Variants in KCNC2 observed in about 807,000 individuals in gnomAD.
KCNC2 encodes the protein potassium voltage-gated channel subfamily C member 2, also known as voltage-gated potassium channel KCNC2.
In KCNC2, 21 loss-of-function variants were observed where a neutral mutation model predicts 44.5. The ratio of observed to expected loss-of-function variants is 0.47; its 90% CI spans 0.33 to 0.68. KCNC2 has a LOEUF of 0.68. KCNC2 is among the 30% of genes least tolerant of loss of function. The pLI is 0.01. For synonymous variants in KCNC2, 391 were observed against 339.1 expected, an observed-to-expected ratio of 1.15 and a Z score of -1.68; for missense variants, 589 against 826.2, an observed-to-expected ratio of 0.71 and a Z score of 3.52.
intron 2 of KCNC2, among the ~76,000 whole-genome samples, chr12:75,060,158 G>A (rs1018131381): frequency 3.3e-5 from 5 of 151,912 alleles, no homozygotes; most frequent in Non-Finnish European, 1.5e-5. Flanking sequence ...ATATATTTCT[G>A]TTATTTTGGA....
At chr12:75,154,002 G>A (rs1233563799) in intron 2 of KCNC2, among the ~76,000 whole-genome samples, 3 of 151,846 alleles carry the variant, frequency 2.0e-5, no homozygotes, top group Non-Finnish European at 2.9e-5. Flanking sequence ...AAAAAACTAT[G>A]TATAAATGGA....
rs1054016161 is a variant in KCNC2 at position 75,094,665 on chromosome 12, T to C, written c.688-43348A>G. On this transcript the variant is annotated intron_variant, in intron 2 of 4. Coordinates refer to ENST00000549446, the MANE Select transcript of KCNC2 (RefSeq NM_139137.4). ...ATTTTGACCTTTCTAACAGCAACTT[T>C]CCATAAGAAGAATTCAGCAGACACT... Among the ~76,000 whole-genome samples the C allele has an allele frequency of 4.0e-5, 6 of 151,766 alleles. No homozygotes were observed. The South Asian group carries it at 1.0e-3, about 26-fold the overall frequency.
Position 75,042,462 on chromosome 12 carries a change from AC to A in KCNC2, c.*642del. On this transcript the variant is annotated 3_prime_UTR_variant, in exon 5 of 5. Transcript: ENST00000549446. ...CAATCAAGAAATTAAACTATTTAAAACATATATTTCTTTCAAATAATAAGAA... is the reference window on the plus strand; with the variant it reads ...CAATCAAGAAATTAAACTATTTAAAAATATATTTCTTTCAAATAATAAGAA... 1 of 1,516,246 alleles carries A rather than the reference AC, an allele frequency of 6.6e-7. No individual in the cohort carries two copies. Among genetic ancestry groups the A allele is most frequent in the Non-Finnish European group, 8.8e-7 (1 of 1,130,754 alleles). The allele number at this position is 1,516,246 out of a possible 1,614,324, so 93.9% of individuals were successfully genotyped here. A position where few individuals can be genotyped will look rare whatever the true frequency, so the allele number is the denominator to read the frequency against.
At chr12:75,171,367 G>A (rs1891807379) in intron 2 of KCNC2, among the ~76,000 whole-genome samples, 1 of 151,820 alleles carries the variant, frequency 6.6e-6, no homozygotes, top group African/African-American at 2.4e-5. Context: ...TATATAGCCT[G>A]TGTACACTAG....
At chr12:75,096,447 C>A (rs1413011136) in intron 2 of KCNC2, among the ~76,000 whole-genome samples, 1 of 151,968 alleles carries the variant, frequency 6.6e-6, no homozygotes, top group Non-Finnish European at 1.5e-5. Flanking sequence ...TTAAAAAATA[C>A]TCTTCTGCTA....
chr12:75,186,140 C>T (rs762445803), intron 2 of KCNC2, among the ~76,000 whole-genome samples: 16 of 151,376 alleles, frequency 1.1e-4, no homozygotes, highest in Middle Eastern at 3.4e-3. Context: ...ATAATTCTAG[C>T]GCAGTTACAT....
intron 2 of KCNC2, among the ~76,000 whole-genome samples, chr12:75,073,912 C>A (rs1270591837): frequency 6.6e-6 from 1 of 152,058 alleles, no homozygotes; most frequent in African/African-American, 2.4e-5. Context: ...TGAAGTTCTC[C>A]CTAAATATGC....
intron 2 of KCNC2, among the ~76,000 whole-genome samples, chr12:75,125,805 T>A (rs2137310706): frequency 6.6e-6 from 1 of 152,272 alleles, no homozygotes; most frequent in East Asian, 1.9e-4. Flanking sequence ...CTATATACAC[T>A]CAGATTACTG....
rs1031184645 is a variant in KCNC2 at position 75,050,939 on chromosome 12, G to T, written c.1066C>A (p.Leu356Met). ...TGGCGGGTGAGCTTGAAAATTCTCA[G>T]GATCCTCACAAACCTTACCACCCTG... is the stretch of plus-strand genomic sequence containing the variant. ...FLRVVRFVRI[L>M]RIFKLTRHFV... The change falls in exon 3 of 5, where the codon CTG becomes ATG. Residue 356 changes from leucine to methionine, a missense_variant. By Grantham distance (15) the Leu-to-Met change is conservative (BLOSUM62 2). Transcript: ENST00000549446. 1 of 1,613,460 alleles carries T rather than the reference G, an allele frequency of 6.2e-7. No homozygotes were observed. Among genetic ancestry groups the T allele is most frequent in the Non-Finnish European group, 8.5e-7 (1 of 1,179,860 alleles).
At chr12:75,182,651 A>AT (rs987077741) in intron 2 of KCNC2, among the ~76,000 whole-genome samples, 163 of 152,174 alleles carry the variant, frequency 1.1e-3, no homozygotes, top group African/African-American at 3.3e-3. Flanking sequence ...AGAATTCTGA[A>AT]TTTTTTAGAT....
intron 2 of KCNC2, among the ~76,000 whole-genome samples, chr12:75,075,701 A>G (rs992477978): frequency 3.3e-5 from 5 of 151,954 alleles, no homozygotes; most frequent in Non-Finnish European, 7.4e-5. Context: ...TAGTTTATAA[A>G]TAAATGCAAT....
rs917354365 is a variant in KCNC2, at chr12:75,189,587, A to T, written c.687+17710T>A. ...CTGTGCTAGGCATCAGTAATTAATT[A>T]AACTTGTGCTAGGCATCAGTAATTA... is the stretch of plus-strand genomic sequence containing the variant. On this transcript the variant is annotated intron_variant, in intron 2 of 4. Coordinates refer to ENST00000549446, the MANE Select transcript of KCNC2 (RefSeq NM_139137.4). Among the ~76,000 whole-genome samples the T allele has an allele frequency of 2.0e-5, 3 of 152,314 alleles. No homozygotes were observed. The East Asian group carries it at 5.8e-4, about 29-fold the overall frequency.
chr12:75,109,997 C>T (rs931355835), intron 2 of KCNC2, among the ~76,000 whole-genome samples: 33 of 150,174 alleles, frequency 2.2e-4, no homozygotes, highest in African/African-American at 8.1e-4. Context: ...AGAAAAAATA[C>T]AAGAATATAA....
intron 2 of KCNC2, among the ~76,000 whole-genome samples, chr12:75,152,393 G>A (rs1890465453): frequency 6.6e-6 from 1 of 151,470 alleles, no homozygotes; most frequent in Admixed American, 6.6e-5. Context: ...AACCAAAAAA[G>A]AATGGTTCCC....
At chr12:75,174,686 T>A (rs1299973856) in intron 2 of KCNC2, among the ~76,000 whole-genome samples, 2 of 151,898 alleles carry the variant, frequency 1.3e-5, no homozygotes, top group Non-Finnish European at 2.9e-5. Context: ...TACTGGTACT[T>A]ATTAAAATGT....
intron 2 of KCNC2, among the ~76,000 whole-genome samples, chr12:75,111,843 AAC>A (rs1378187229): frequency 6.6e-6 from 1 of 152,132 alleles, no homozygotes; most frequent in African/African-American, 2.4e-5. Context: ...ATAAACAGCT[AAC>A]ACAGTGATTT....
intron 2 of KCNC2, among the ~76,000 whole-genome samples, chr12:75,143,180 A>G (rs1209573638): frequency 6.6e-6 from 1 of 152,156 alleles, no homozygotes; most frequent in African/African-American, 2.4e-5. Flanking sequence ...TTGTTATATA[A>G]TTAAAGTCCC....
intron 2 of KCNC2, among the ~76,000 whole-genome samples, chr12:75,178,748 T>C (rs1040251308): frequency 1.4e-4 from 22 of 152,010 alleles, no homozygotes; most frequent in African/African-American, 5.1e-4. Context: ...AAACATAGAT[T>C]AGCACAAAAT....
At position 75,201,581 on chromosome 12, in the gene KCNC2, T is replaced by TA. The variant is rs1375056726; in HGVS notation, c.687+5715_687+5716insT. Among the ~76,000 whole-genome samples, 3 of 151,910 alleles carry TA rather than the reference T, an allele frequency of 2.0e-5. No homozygotes were observed. The East Asian group carries it at 5.8e-4, about 29-fold the overall frequency. ...GTTGAAATCAAGACTGGAGCGTAGG[T>TA]CTCTTAGGTCTCAATTCAGGCATTT... On this transcript the variant is annotated intron_variant, in intron 2 of 4. Coordinates refer to ENST00000549446, the MANE Select transcript of KCNC2 (RefSeq NM_139137.4).
Sources: gnomAD v4.1 joint callset for allele counts (sites outside exome capture counted in the v4.1 genomes callset) on GRCh38, gnomAD v4.1.1 for gene constraint, MANE v1.5 for transcripts, NCBI Gene and HGNC (gene_info 2026-07-23, HGNC 2026-07-21) for gene names.